The following KIF21A variants were observed in gnomAD, a reference collection of about 807,000 sequenced individuals.
KIF21A encodes kinesin family member 21A.
KIF21A carries 114 observed loss-of-function variants against 202.9 expected under a neutral mutation model. That is an observed-to-expected ratio of 0.56 (90% CI 0.48 to 0.66). The LOEUF is 0.66. Ranked by LOEUF, KIF21A falls within the 30% of genes least tolerant of loss-of-function variation. KIF21A has a pLI of 0.00. For missense variants in KIF21A, 1,677 were observed against 1,994.9 expected, an observed-to-expected ratio of 0.84 and a Z score of 3.04; for synonymous variants, 667 against 670.8, an observed-to-expected ratio of 0.99 and a Z score of 0.09.
Position 39,311,453 on chromosome 12 carries a change from C to T in KIF21A, c.4060G>A (p.Asp1354Asn), listed in dbSNP as rs1225263157. 1.9e-6 allele frequency: 3 copies of T among 1,612,988 alleles called. No individual in the cohort carries two copies. The highest frequency in any genetic ancestry group is 2.2e-5 in the East Asian group (1 of 44,824). The change falls in exon 32 of 38, where the codon GAT becomes AAT. Residue 1354 changes from aspartate to asparagine, a missense_variant. Coordinates refer to ENST00000361418, the MANE Select transcript of KIF21A (RefSeq NM_001173464.2). ...EGHTKAVLCVDSTDDLLFTGS... is the reference protein window; with the variant it reads ...EGHTKAVLCVNSTDDLLFTGS... ...GTGAAGAGGAGATCATCAGTAGAAT[C>T]CACACAGAGCACAGCTTTTGTATGC...
chr12:39,356,942 T>C (rs1464462169), intron 9 of KIF21A, 47 bp from the exon 10 acceptor site: 4 of 887,936 alleles, frequency 4.5e-6, no homozygotes, highest in Non-Finnish European at 7.3e-6. Context: ...AATTAAGACT[T>C]CAACAAAACA....
chr12:39,324,004 G>C (rs894004563), intron 26 of KIF21A, among the ~76,000 whole-genome samples: 1 of 152,050 alleles, frequency 6.6e-6, no homozygotes, highest in African/African-American at 2.4e-5. Context: ...CAGCTACTCA[G>C]GAGGCTGAGG....
At chr12:39,309,372 T>G (rs1161934311) in intron 33 of KIF21A, among the ~76,000 whole-genome samples, 4 of 152,108 alleles carry the variant, frequency 2.6e-5, no homozygotes, top group African/African-American at 9.7e-5. Context: ...GCTTATCCCT[T>G]TCTGTTTAAT....
rs187969216 is a variant in KIF21A, at chr12:39,405,034, G to A, written c.45-34773C>T. ...AATAGCCATTAAAGTGTATAATGGA[G>A]AATTTAAAGCTATTCATGTGGTAAA... is the stretch of plus-strand genomic sequence containing the variant. On this transcript the variant is annotated intron_variant, in intron 1 of 37. Transcript: ENST00000361418. Among the ~76,000 whole-genome samples the A allele has an allele frequency of 1.5e-4, 23 of 152,022 alleles. No homozygotes were observed. In the East Asian group the frequency reaches 4.1e-3, roughly 27 times the overall value.
chr12:39,409,835 C>CTT (rs755068673), intron 1 of KIF21A, among the ~76,000 whole-genome samples: 33 of 134,840 alleles, frequency 2.4e-4, no homozygotes, highest in Admixed American at 4.5e-4. Flanking sequence ...AAGAAGCTGG[C>CTT]TTTTTTTTTT....
intron 1 of KIF21A, among the ~76,000 whole-genome samples, chr12:39,399,041 C>G (rs765442402): frequency 6.6e-6 from 1 of 151,954 alleles, no homozygotes; most frequent in Non-Finnish European, 1.5e-5. Flanking sequence ...CTAGGCAACA[C>G]AGAGAAACCC....
intron 24 of KIF21A, among the ~76,000 whole-genome samples, chr12:39,328,724 C>T (rs528504560): frequency 5.5e-4 from 84 of 152,294 alleles, no homozygotes; most frequent in African/African-American, 2.0e-3. Context: ...CTCAGGCACA[C>T]AAAAGTGTGG....
At chr12:39,416,938 A>G in intron 1 of KIF21A, among the ~76,000 whole-genome samples, 1 of 150,760 alleles carries the variant, frequency 6.6e-6, no homozygotes, top group East Asian at 1.9e-4. Flanking sequence ...AAAAAATTTT[A>G]AAAAACCTTG....
intron 1 of KIF21A, among the ~76,000 whole-genome samples, chr12:39,440,875 C>T (rs1009768602): frequency 6.6e-6 from 1 of 151,932 alleles, no homozygotes; most frequent in Non-Finnish European, 1.5e-5. Flanking sequence ...ATTAGCCAAG[C>T]AGTGTGGCAC....
At position 39,342,135 on chromosome 12, in the gene KIF21A, G is replaced by T; in HGVS notation, c.1713-11C>A. The stretch of plus-strand genomic sequence containing the variant: ...TCTTTACCAGCCACACTAAAAAAAG[G>T]AACATAAGGGTATGGTGTTAAAATA... On this transcript the variant is annotated splice_polypyrimidine_tract_variant and intron_variant, in intron 12 of 37. Coordinates refer to ENST00000361418, the MANE Select transcript of KIF21A (RefSeq NM_001173464.2). The T allele has an allele frequency of 6.5e-7, 1 of 1,545,560 alleles. No homozygotes were observed. The highest frequency in any genetic ancestry group is 2.3e-5 in the East Asian group (1 of 44,430).
At chr12:39,379,993 AGTCTCCCTCT>A (rs1438612125) in intron 1 of KIF21A, among the ~76,000 whole-genome samples, 1 of 152,214 alleles carries the variant, frequency 6.6e-6, no homozygotes, top group Non-Finnish European at 1.5e-5. Context: ...TAAGAGACGG[AGTCTCCCTCT>A]GTTGCTCAGG....
intron 35 of KIF21A, 92 bp downstream of exon 35, chr12:39,304,725 AAAAG>A (rs1943288396): frequency 1.4e-6 from 1 of 728,214 alleles, no homozygotes; most frequent in Non-Finnish European, 2.4e-6. Context: ...TAGAAAGGAA[AAAAG>A]AAAATAAGAG....
intron 18 of KIF21A, 37 bp downstream of exon 18, chr12:39,333,175 G>A (rs766333317): frequency 6.2e-7 from 1 of 1,607,890 alleles, no homozygotes; most frequent in Non-Finnish European, 8.5e-7. Flanking sequence ...CTCAAAGTCA[G>A]AAGGTTTCTT....
chr12:39,347,107 TG>T (rs1335860444), intron 11 of KIF21A, among the ~76,000 whole-genome samples: 1 of 151,888 alleles, frequency 6.6e-6, no homozygotes, highest in Non-Finnish European at 1.5e-5. Flanking sequence ...CAAATGAATA[TG>T]GTTGTTATGA....
rs958421720 is a variant in KIF21A at position 39,293,403 on chromosome 12, C to G, written c.*1021G>C. On this transcript the variant is annotated 3_prime_UTR_variant, in exon 38 of 38. Coordinates refer to ENST00000361418, the MANE Select transcript of KIF21A (RefSeq NM_001173464.2). Reference sequence around the variant, plus strand: ...CTGAGCAGACAGAAATATTATACATCCTTTTGCAAAATCCAGTCAACAACT... The same window carrying G: ...CTGAGCAGACAGAAATATTATACATGCTTTTGCAAAATCCAGTCAACAACT... 1 of 152,544 alleles carries G rather than the reference C, an allele frequency of 6.6e-6. No individual in the cohort carries two copies. Among genetic ancestry groups the G allele is most frequent in the Non-Finnish European group, 1.5e-5 (1 of 68,022 alleles). 9.4% of individuals were successfully genotyped at this position (152,544 alleles called of 1,614,324 possible). A position where few individuals can be genotyped will look rare whatever the true frequency, so the allele number is the denominator to read the frequency against.
intron 7 of KIF21A, among the ~76,000 whole-genome samples, chr12:39,362,583 C>T (rs1191791007): frequency 6.6e-6 from 1 of 151,664 alleles, no homozygotes; most frequent in Non-Finnish European, 1.5e-5. Context: ...AGTTAATAAC[C>T]AGCCAACACT....
chr12:39,415,784 C>T (rs1398938950), intron 1 of KIF21A, among the ~76,000 whole-genome samples: 1 of 152,206 alleles, frequency 6.6e-6, no homozygotes, highest in African/African-American at 2.4e-5. Flanking sequence ...CACCTACTCT[C>T]TATTCCAACA....
rs1345131789 is a variant in KIF21A, at chr12:39,442,856, G to C, written c.44+71C>G. 1.3e-6 allele frequency: 2 copies of C among 1,502,780 alleles called. No individual in the cohort carries two copies. The highest frequency in any genetic ancestry group is 2.9e-5 in the African/African-American group (2 of 69,618). The allele number at this position is 1,502,780 out of a possible 1,614,324, so 93.1% of individuals were successfully genotyped here. ...GCTCCACCCCGGTAGCCGGTGCTCC[G>C]CGCCACAGCCAGGTCCTTGCCGCGC... On this transcript the variant is annotated intron_variant, in intron 1 of 37. Coordinates refer to ENST00000361418, the MANE Select transcript of KIF21A (RefSeq NM_001173464.2). This position sits in a 1 kb window ranked among gnomAD's most constrained non-coding sequence, Gnocchi z 5.0.
chr12:39,315,204 AT>A (rs751531567), intron 31 of KIF21A, 24 bp downstream of exon 31: 10 of 1,608,422 alleles, frequency 6.2e-6, no homozygotes, highest in Non-Finnish European at 7.7e-6. Context: ...AATGAAATTA[AT>A]TTCCTCTCCC....
Sources: gnomAD v4.1 joint callset for allele counts (sites outside exome capture counted in the v4.1 genomes callset) on GRCh38, gnomAD v4.1.1 for gene constraint, Gnocchi (gnomAD v3.1) non-coding constraint, MANE v1.5 for transcripts, NCBI Gene and HGNC (gene_info 2026-07-23, HGNC 2026-07-21) for gene names.